NRXN1: variants seen among roughly 807,000 people sequenced by gnomAD.
The protein encoded by NRXN1 is neurexin 1.
NRXN1 carries 39 observed loss-of-function variants against 150.9 expected under a neutral mutation model. That is an observed-to-expected ratio of 0.26 (90% CI 0.20 to 0.34). The LOEUF (loss-of-function observed/expected upper bound fraction) is 0.34, where lower values mean the gene tolerates loss of function less well. Ranked by LOEUF, NRXN1 falls within the 10% of genes least tolerant of loss-of-function variation. The pLI, the probability that NRXN1 is intolerant of heterozygous loss-of-function variation, is 1.00. For missense variants in NRXN1, 1,815 were observed against 1,949.9 expected (o/e 0.93, Z 1.30); for synonymous variants, 924 against 757.0 (o/e 1.22, Z -3.62).
intron 19 of NRXN1, among the ~76,000 whole-genome samples, chr2:50,072,286 G>A (rs1234266327): frequency 6.6e-6 from 1 of 152,110 alleles, no homozygotes; most frequent in East Asian, 1.9e-4. Flanking sequence ...TATGGAAAAA[G>A]TCTCAGTGCA....
rs6751265 is a variant in NRXN1 at position 50,098,857 on chromosome 2, T to A, written c.3547-7363A>T. Among the ~76,000 whole-genome samples, 4 of 27,942 alleles carry A rather than the reference T, an allele frequency of 1.4e-4. 1 individual carries two copies. Among genetic ancestry groups the A allele is most frequent in the African/African-American group, 6.2e-4 (4 of 6,476 alleles). The allele number at this position is 27,942 out of a possible 152,430, so 18.3% of individuals were successfully genotyped here. A position where few individuals can be genotyped will look rare whatever the true frequency, so the allele number is the denominator to read the frequency against. On this transcript the variant is annotated intron_variant, in intron 18 of 22. Coordinates refer to ENST00000401669, the MANE Select transcript of NRXN1 (RefSeq NM_001330078.2). ...TTTTTTTTTTTTTTTTTTTTTTTTT[T>A]TTTTTTTTTTTTTTTTTTTTTTTTT...
rs374467175 is a variant in NRXN1 at position 50,202,334 on chromosome 2, G to A, written c.3546+34455C>T. Among the ~76,000 whole-genome samples the A allele has an allele frequency of 2.0e-5, 3 of 152,148 alleles. No homozygotes were observed. The South Asian group carries it at 6.2e-4, about 32-fold the overall frequency. On this transcript the variant is annotated intron_variant, in intron 18 of 22. Coordinates refer to ENST00000401669, the MANE Select transcript of NRXN1 (RefSeq NM_001330078.2). ...ACCCTGGCTAACACGGTGAAACCCC[G>A]TCTCTACTAAAAATACAAAAAATTA...
intron 5 of NRXN1, among the ~76,000 whole-genome samples, chr2:50,803,461 C>A (rs951747722): frequency 6.6e-6 from 1 of 152,166 alleles, no homozygotes; most frequent in Admixed American, 6.5e-5. Flanking sequence ...GTAAGTCTTT[C>A]CATTTCTCAA....
intron 17 of NRXN1, among the ~76,000 whole-genome samples, chr2:50,455,440 G>C (rs2087457924): frequency 6.6e-6 from 1 of 152,090 alleles, no homozygotes; most frequent in African/African-American, 2.4e-5. Context: ...AGTTTAATGA[G>C]ATTTAATTTT....
chr2:49,924,269 A>G (rs1203638569), intron 22 of NRXN1, among the ~76,000 whole-genome samples: 1 of 152,206 alleles, frequency 6.6e-6, no homozygotes, highest in East Asian at 1.9e-4. Context: ...CATTTTCACA[A>G]TTACCTCACT....
At chr2:50,119,619 G>C (rs1703578833) in intron 18 of NRXN1, among the ~76,000 whole-genome samples, 1 of 151,028 alleles carries the variant, frequency 6.6e-6, no homozygotes, top group Admixed American at 6.6e-5. Context: ...GTTTCTTCCA[G>C]GTTGAGTGAA....
At chr2:50,326,951 T>C (rs918570603) in intron 17 of NRXN1, among the ~76,000 whole-genome samples, 3 of 152,214 alleles carry the variant, frequency 2.0e-5, no homozygotes, top group African/African-American at 7.2e-5. Context: ...AATTCTCATA[T>C]ATTATCAGTG....
chr2:50,777,745 C>A lies in NRXN1; in HGVS notation c.832+144124G>T, dbSNP rs567709300. Reference sequence around the variant, plus strand: ...GGCTAAGTTCTAACCAGTATAAGTCCACAAGGGACAGAAAAGTAGCATGAT... The same window carrying A: ...GGCTAAGTTCTAACCAGTATAAGTCAACAAGGGACAGAAAAGTAGCATGAT... On this transcript the variant is annotated intron_variant, in intron 5 of 22. Transcript: ENST00000401669. Among the ~76,000 whole-genome samples the A allele has an allele frequency of 1.2e-3, 186 of 152,132 alleles. No homozygotes were observed. In the Middle Eastern group the frequency reaches 0.02, roughly 17 times the overall value.
chr2:50,950,127 T>C (rs1434494002), intron 2 of NRXN1, among the ~76,000 whole-genome samples: 1 of 152,194 alleles, frequency 6.6e-6, no homozygotes, highest in African/African-American at 2.4e-5. Flanking sequence ...GCTTTTCCAC[T>C]TGTTTCTTTT....
intron 5 of NRXN1, among the ~76,000 whole-genome samples, chr2:50,716,854 C>A (rs188578823): frequency 1.3e-5 from 2 of 152,178 alleles, no homozygotes; most frequent in East Asian, 3.9e-4. Flanking sequence ...AACAATAATT[C>A]CTATAATATT....
intron 12 of NRXN1, among the ~76,000 whole-genome samples, chr2:50,521,484 C>T (rs915536936): frequency 6.6e-6 from 1 of 152,150 alleles, no homozygotes; most frequent in Admixed American, 6.5e-5. Flanking sequence ...TTCAGGAAAA[C>T]TGTTTTCATA....
intron 5 of NRXN1, among the ~76,000 whole-genome samples, chr2:50,818,187 C>T (rs987063394): frequency 4.9e-5 from 6 of 121,544 alleles, no homozygotes; most frequent in African/African-American, 5.9e-5. Context: ...CATACAAAAA[C>T]AATTGTTTTT....
rs113506053 is a variant in NRXN1, at chr2:50,344,772, A to G, written c.3365-107802T>C. 2.6e-5 allele frequency among the ~76,000 whole-genome samples: 4 copies of G among 152,286 alleles called. No individual in the cohort carries two copies. The South Asian group carries it at 8.3e-4, about 32-fold the overall frequency. On this transcript the variant is annotated intron_variant, in intron 17 of 22. Transcript: ENST00000401669. The stretch of plus-strand genomic sequence containing the variant: ...TGGTCTTCTCCTCTCCCACGTCCCC[A>G]GCAGCCTTATCCCTCTGGAGAGAGG...
chr2:50,100,491 T>C (rs1175585566), intron 18 of NRXN1, among the ~76,000 whole-genome samples: 1 of 152,108 alleles, frequency 6.6e-6, no homozygotes, highest in East Asian at 1.9e-4. Flanking sequence ...GGGGTAATAA[T>C]CTTGATATCG....
At chr2:49,942,999 A>G (rs575858469) in intron 22 of NRXN1, among the ~76,000 whole-genome samples, 122 of 152,352 alleles carry the variant, frequency 8.0e-4, no homozygotes, top group Non-Finnish European at 1.1e-3. Context: ...ACTTGAAGTT[A>G]TGAATATTTG....
At chr2:50,869,312 G>T (rs976969967) in intron 5 of NRXN1, among the ~76,000 whole-genome samples, 10 of 151,592 alleles carry the variant, frequency 6.6e-5, no homozygotes, top group African/African-American at 2.4e-4. Flanking sequence ...AAAATAATGA[G>T]AAATTAACAA....
chr2:50,055,905 T>G (rs1446927064), intron 19 of NRXN1, among the ~76,000 whole-genome samples: 1 of 152,142 alleles, frequency 6.6e-6, no homozygotes, highest in Non-Finnish European at 1.5e-5. Flanking sequence ...CTAACCTAAG[T>G]GAGAGCCCTG....
intron 5 of NRXN1, among the ~76,000 whole-genome samples, chr2:50,625,933 T>C (rs562723982): frequency 1.3e-5 from 2 of 152,178 alleles, no homozygotes; most frequent in African/African-American, 2.4e-5. Context: ...TCGTATGTTA[T>C]TATGAAATCT....
chr2:50,522,683 T>C (rs1254239065), intron 12 of NRXN1, among the ~76,000 whole-genome samples: 1 of 151,258 alleles, frequency 6.6e-6, no homozygotes, highest in African/African-American at 2.4e-5. Context: ...ATGTGGATAA[T>C]TTAAATGGGC....
Sources: gnomAD v4.1 joint callset for allele counts (sites outside exome capture counted in the v4.1 genomes callset) on GRCh38, gnomAD v4.1.1 for gene constraint, MANE v1.5 for transcripts, NCBI Gene and HGNC (gene_info 2026-07-23, HGNC 2026-07-21) for gene names.